The following COL4A3 variants were observed in gnomAD, a reference collection of about 807,000 sequenced individuals.
The protein encoded by COL4A3 is collagen type IV alpha 3 chain, also known as collagen alpha-3(IV) chain.
COL4A3 carries 135 observed loss-of-function variants against 217.4 expected under a neutral mutation model. That is an observed-to-expected ratio of 0.62 (90% confidence interval 0.54 to 0.72). The LOEUF (loss-of-function observed/expected upper bound fraction) is 0.72. COL4A3 is among the 30% of genes least tolerant of loss of function. The pLI, the probability that COL4A3 is intolerant of heterozygous loss-of-function variation, is 0.00. For missense variants in COL4A3, 1,868 were observed against 2,119.9 expected, an observed-to-expected ratio of 0.88 and a Z score of 2.33; for synonymous variants, 690 against 736.3, an observed-to-expected ratio of 0.94 and a Z score of 1.02.
chr2:227,201,680 A>C (rs2066692107), intron 1 of COL4A3, among the ~76,000 whole-genome samples: 1 of 152,204 alleles, frequency 6.6e-6, no homozygotes, highest in African/African-American at 2.4e-5. Context: ...AGAAACTACC[A>C]AATCCTTTTC....
chr2:227,284,193 G>A lies in COL4A3; in HGVS notation c.2747-18G>A. On this transcript the variant is annotated intron_variant, in intron 33 of 51. Coordinates refer to ENST00000396578, the MANE Select transcript of COL4A3 (RefSeq NM_000091.5). ...CCTGAAGAATTAAGGACCTGATGTT[G>A]TTACTCCTGTCTGTTAGGGAGCCCT... 1 of 1,613,980 alleles carries A rather than the reference G, an allele frequency of 6.2e-7. No individual in the cohort carries two copies. The highest frequency in any genetic ancestry group is 8.5e-7 in the Non-Finnish European group (1 of 1,179,954).
At chr2:227,278,807 A>T (rs2071753595) in intron 28 of COL4A3, among the ~76,000 whole-genome samples, 1 of 152,236 alleles carries the variant, frequency 6.6e-6, no homozygotes, top group Admixed American at 6.5e-5. Context: ...TCACAATTGA[A>T]TCTAATGAAT....
intron 1 of COL4A3, among the ~76,000 whole-genome samples, chr2:227,175,615 G>C (rs1176409605): frequency 6.6e-6 from 1 of 152,218 alleles, no homozygotes; most frequent in Non-Finnish European, 1.5e-5. Context: ...CTACAGGTGA[G>C]GTGGGGGATG....
intron 39 of COL4A3, 47 bp downstream of exon 39, chr2:227,294,617 A>AT: frequency 7.6e-7 from 1 of 1,322,752 alleles, no homozygotes; most frequent in Non-Finnish European, 1.1e-6. Flanking sequence ...TGGGAGACAC[A>AT]TTTTCTCCTG....
intron 1 of COL4A3, among the ~76,000 whole-genome samples, chr2:227,231,487 T>A (rs28638416): frequency 6.6e-6 from 1 of 151,944 alleles, no homozygotes; most frequent in African/African-American, 2.4e-5. Context: ...ATCCATCCCC[T>A]CAAGCATTTA....
At chr2:227,260,028 T>C (rs1282494885) in intron 19 of COL4A3, 151 bp downstream of exon 19, 2 of 763,160 alleles carry the variant, frequency 2.6e-6, no homozygotes, top group Non-Finnish European at 2.4e-6. Context: ...TTTTGATGTC[T>C]CCTGCTCTTC....
At chr2:227,190,428 A>G (rs1326681217) in intron 1 of COL4A3, among the ~76,000 whole-genome samples, 1 of 152,234 alleles carries the variant, frequency 6.6e-6, no homozygotes, top group Non-Finnish European at 1.5e-5. Context: ...CTGAGGAACT[A>G]AAATGGAAAC....
chr2:227,210,087 T>G (rs1267323178), intron 1 of COL4A3, among the ~76,000 whole-genome samples: 2 of 152,190 alleles, frequency 1.3e-5, no homozygotes, highest in Non-Finnish European at 2.9e-5. Context: ...GTGCCAGGCA[T>G]GTAGTAAAAG....
Position 227,282,388 on chromosome 2 carries a change from A to G in COL4A3, c.2512A>G (p.Lys838Glu), listed in dbSNP as rs2072040842. 3.1e-6 allele frequency: 5 copies of G among 1,613,454 alleles called. No individual in the cohort carries two copies. The highest frequency in any genetic ancestry group is 4.2e-6 in the Non-Finnish European group (5 of 1,179,902). ...QQGRRGKTGP[K>E]GDPGIPGLDR... ...AGGCAGAAGAGGTAAAACGGGGCCAAAGGGAGACCCAGGAATTCCAGGCTT... is the reference window on the plus strand; with the variant it reads ...AGGCAGAAGAGGTAAAACGGGGCCAGAGGGAGACCCAGGAATTCCAGGCTT... Residue 838 changes from lysine to glutamate, a missense_variant, in exon 32 of 52, where the codon AAG (lysine) becomes GAG (glutamate). Physicochemically the swap from Lys to Glu is moderately conservative, Grantham distance 56. Around this residue, in one of 2 missense-constraint regions of COL4A3, gnomAD observed 1,503 missense variants for 1,786.1 expected, o/e 0.84. Coordinates refer to ENST00000396578, the MANE Select transcript of COL4A3 (RefSeq NM_000091.5). This position sits in a 1 kb window ranked among gnomAD's most constrained non-coding sequence, Gnocchi z 4.4.
At chr2:227,232,744 A>G (rs1008701529) in intron 1 of COL4A3, among the ~76,000 whole-genome samples, 1 of 152,136 alleles carries the variant, frequency 6.6e-6, no homozygotes, top group African/African-American at 2.4e-5. Context: ...ATTTCACTCT[A>G]ATTCCTGATG....
intron 34 of COL4A3, among the ~76,000 whole-genome samples, chr2:227,287,052 G>T (rs2072370457): frequency 6.6e-6 from 1 of 152,298 alleles, no homozygotes; most frequent in East Asian, 1.9e-4. Context: ...TTCCATTTAG[G>T]CTAGGTAGTA....
In COL4A3 at chr2:227,282,146, C is replaced by T. The variant is rs1250104272; in HGVS notation, c.2489-219C>T. Among the ~76,000 whole-genome samples the T allele has an allele frequency of 1.3e-5, 2 of 151,884 alleles. No individual in the cohort carries two copies. The highest frequency in any genetic ancestry group is 2.9e-5 in the Non-Finnish European group (2 of 67,978). On this transcript the variant is annotated intron_variant, in intron 31 of 51. Transcript: ENST00000396578. The surrounding 1 kb of genome is among the most constrained non-coding windows in gnomAD (Gnocchi z 4.4). ...ACTTAGCTATGCATTATGGTGCACG[C>T]CTGTAGTCCCAGCTATTTGGGAGGC...
intron 26 of COL4A3, among the ~76,000 whole-genome samples, chr2:227,274,402 T>C (rs2071432265): frequency 1.3e-5 from 2 of 152,102 alleles, no homozygotes; most frequent in Admixed American, 1.3e-4. Context: ...GCATCATTTC[T>C]GTCCACACAT....
intron 1 of COL4A3, among the ~76,000 whole-genome samples, chr2:227,227,413 A>G (rs2068158381): frequency 6.6e-6 from 1 of 152,146 alleles, no homozygotes; most frequent in African/African-American, 2.4e-5. Flanking sequence ...CCTGGCCAAC[A>G]TGGTGAAACC....
intron 9 of COL4A3, among the ~76,000 whole-genome samples, chr2:227,249,230 A>ATATATATATATATTTTTTTTTTTTTTT: frequency 6.8e-5 from 1 of 14,690 alleles, no homozygotes; most frequent in African/African-American, 2.7e-4. Flanking sequence ...ATATATATAT[A>ATATATATATATATTTTTTTTTTTTTTT]TTTTTTTTTT....
intron 1 of COL4A3, among the ~76,000 whole-genome samples, chr2:227,200,881 G>T (rs965838014): frequency 9.9e-5 from 15 of 152,064 alleles, no homozygotes; most frequent in Non-Finnish European, 2.1e-4. Flanking sequence ...ACAAATGTCA[G>T]ATCTCCTCAA....
rs2073768285 is a variant in COL4A3, at chr2:227,312,223, T to A, written c.*353T>A. 1 of 289,716 alleles carries A rather than the reference T, an allele frequency of 3.5e-6. No homozygotes were observed. The allele number at this position is 289,716 out of a possible 1,614,324, so 17.9% of individuals were successfully genotyped here. A position where few individuals can be genotyped will look rare whatever the true frequency, so the allele number is the denominator to read the frequency against. On this transcript the variant is annotated 3_prime_UTR_variant, in exon 52 of 52. Coordinates refer to ENST00000396578, the MANE Select transcript of COL4A3 (RefSeq NM_000091.5). The stretch of plus-strand genomic sequence containing the variant: ...TTGGCCCGCTGGATTCCCACATTTG[T>A]CTTCTTTCTGTCTTTAAGACTCAGG...
intron 1 of COL4A3, among the ~76,000 whole-genome samples, chr2:227,183,190 G>T (rs1352254795): frequency 1.3e-5 from 2 of 152,144 alleles, no homozygotes; most frequent in Non-Finnish European, 2.9e-5. Context: ...AAATCAGAAT[G>T]GTAGTTCCTC....
intron 47 of COL4A3, among the ~76,000 whole-genome samples, chr2:227,306,694 G>A (rs990204417): frequency 7.2e-5 from 11 of 152,120 alleles, no homozygotes; most frequent in Admixed American, 7.2e-4. Flanking sequence ...AAATTTCTGA[G>A]GAAAGTCCTG....
Sources: allele counts gnomAD v4.1 joint callset (sites outside exome capture counted in the v4.1 genomes callset), GRCh38; gene constraint gnomAD v4.1.1; regional missense constraint gnomAD v4.1.1; non-coding constraint Gnocchi (gnomAD v3.1); transcripts MANE v1.5; gene names NCBI Gene and HGNC (gene_info 2026-07-23, HGNC 2026-07-21).